Variants in KIF21A observed in about 807,000 individuals in gnomAD.
KIF21A encodes the protein kinesin family member 21A.
Under a neutral mutation model 202.9 loss-of-function variants are expected in KIF21A, and 114 were observed. The observed-to-expected ratio is 0.56, with a 90% CI of 0.48 to 0.66. The LOEUF (loss-of-function observed/expected upper bound fraction) is 0.66. Ranked by LOEUF, KIF21A falls within the 30% of genes least tolerant of loss-of-function variation. The pLI is 0.00. For missense variants in KIF21A, 1,677 were observed against 1,994.9 expected (o/e 0.84, Z 3.04); for synonymous variants, 667 against 670.8 (o/e 0.99, Z 0.09).
chr12:39,391,517 C>T lies in KIF21A; in HGVS notation c.45-21256G>A, dbSNP rs573289904. On this transcript the variant is annotated intron_variant, in intron 1 of 37. Coordinates refer to ENST00000361418, the MANE Select transcript of KIF21A (RefSeq NM_001173464.2). ...CTTTGGGAGGCCAAGATGGAAGAAT[C>T]GCCTCAGCCCAGGAGTTTGAGACCA... 5.9e-5 allele frequency among the ~76,000 whole-genome samples: 9 copies of T among 152,092 alleles called. No individual in the cohort carries two copies. The East Asian group carries it at 1.5e-3, about 26-fold the overall frequency.
chr12:39,367,817 A>G, intron 4 of KIF21A, 66 bp downstream of exon 4: 1 of 1,237,214 alleles, frequency 8.1e-7, no homozygotes, highest in South Asian at 1.3e-5. Context: ...TAAGCAGATT[A>G]TCAGCAAAGC....
intron 26 of KIF21A, among the ~76,000 whole-genome samples, chr12:39,324,988 G>A (rs1314469953): frequency 6.6e-6 from 1 of 152,130 alleles, no homozygotes; most frequent in Non-Finnish European, 1.5e-5. Context: ...AACCTGATAT[G>A]TACCATAGCT....
At chr12:39,432,795 G>C (rs1024982897) in intron 1 of KIF21A, among the ~76,000 whole-genome samples, 9 of 152,046 alleles carry the variant, frequency 5.9e-5, no homozygotes, top group Admixed American at 2.0e-4. Context: ...ATTTTCAGTA[G>C]AGATAGGGTT....
intron 1 of KIF21A, among the ~76,000 whole-genome samples, chr12:39,430,670 TTA>T (rs1377063704): frequency 6.6e-6 from 1 of 152,206 alleles, no homozygotes; most frequent in Non-Finnish European, 1.5e-5. Context: ...TTAGTGGATT[TTA>T]TGTTTTGGTG....
intron 30 of KIF21A, 70 bp downstream of exon 30, chr12:39,315,862 G>T: frequency 8.9e-7 from 1 of 1,119,328 alleles, no homozygotes; most frequent in African/African-American, 1.5e-5. Context: ...GACTTGCTTA[G>T]AATTTCTAGG....
chr12:39,309,576 A>T lies in KIF21A; in HGVS notation c.4277+10T>A. The T allele has an allele frequency of 6.3e-7, 1 of 1,598,758 alleles. No homozygotes were observed. The highest frequency in any genetic ancestry group is 1.7e-4 in the Middle Eastern group (1 of 6,018). On this transcript the variant is annotated intron_variant, in intron 33 of 37. Coordinates refer to ENST00000361418, the MANE Select transcript of KIF21A (RefSeq NM_001173464.2). Reference sequence around the variant, plus strand: ...TCCTCCTTTATGCTATATGTCTTCAAGTTACTTACGTTAGTGTTCGAATGC... The same window carrying T: ...TCCTCCTTTATGCTATATGTCTTCATGTTACTTACGTTAGTGTTCGAATGC...
intron 12 of KIF21A, among the ~76,000 whole-genome samples, chr12:39,342,525 T>TA (rs1416837921): frequency 6.6e-6 from 1 of 152,178 alleles, no homozygotes; most frequent in Non-Finnish European, 1.5e-5. Context: ...TACAAAGATA[T>TA]AAAAAACTAC....
intron 16 of KIF21A, among the ~76,000 whole-genome samples, chr12:39,338,359 CAA>C (rs1424940926): frequency 6.6e-6 from 1 of 152,014 alleles, no homozygotes; most frequent in Non-Finnish European, 1.5e-5. Context: ...TGTGATATTT[CAA>C]AAGAGTCAAA....
chr12:39,401,773 G>C (rs1952188759), intron 1 of KIF21A, among the ~76,000 whole-genome samples: 1 of 152,136 alleles, frequency 6.6e-6, no homozygotes, highest in African/African-American at 2.4e-5. Context: ...TATTTTGCTA[G>C]ACATTTGCCT....
chr12:39,338,209 T>C (rs1039683998), intron 16 of KIF21A, among the ~76,000 whole-genome samples: 1 of 152,140 alleles, frequency 6.6e-6, no homozygotes, highest in African/African-American at 2.4e-5. Context: ...TAGGCTATTG[T>C]GCATGTTTGT....
At chr12:39,334,937 G>T (rs745342822) in intron 17 of KIF21A, among the ~76,000 whole-genome samples, 1 of 152,104 alleles carries the variant, frequency 6.6e-6, no homozygotes, top group Non-Finnish European at 1.5e-5. Flanking sequence ...ACACTGTAAA[G>T]AAATTATTCC....
In KIF21A at chr12:39,340,790, T is replaced by C. The variant is rs1007255362; in HGVS notation, c.2110+116A>G. 3.2e-5 allele frequency: 24 copies of C among 753,870 alleles called. No homozygotes were observed. The Admixed American group carries it at 5.5e-4, about 17-fold the overall frequency. 46.7% of individuals were successfully genotyped at this position (753,870 alleles called of 1,614,324 possible). A position where few individuals can be genotyped will look rare whatever the true frequency, so the allele number is the denominator to read the frequency against. On this transcript the variant is annotated intron_variant, in intron 15 of 37. Coordinates refer to ENST00000361418, the MANE Select transcript of KIF21A (RefSeq NM_001173464.2). ...CTTTGACTTGCAAAAACAAAACAAA[T>C]AAATAACAAAAAAGGGTTTAATACG... is the stretch of plus-strand genomic sequence containing the variant.
At chr12:39,360,367 A>G (rs891535728) in intron 7 of KIF21A, among the ~76,000 whole-genome samples, 13 of 151,606 alleles carry the variant, frequency 8.6e-5, no homozygotes, top group Non-Finnish European at 1.9e-4. Context: ...TGTTAGCAGT[A>G]GTTACTTCTA....
rs56245570 is a variant in KIF21A at position 39,441,660 on chromosome 12, T to TAAAAAAAAAAAAAAAAAAAAAAAAAAA, written c.44+1266_44+1267insTTTTTTTTTTTTTTTTTTTTTTTTTTT. On this transcript the variant is annotated intron_variant, in intron 1 of 37. Transcript: ENST00000361418. ...ATAAAACTGTCACCTCCCTGGGTGG[T>TAAAAAAAAAAAAAAAAAAAAAAAAAAA]AAAAAAAAAAAAAAAAAAAACACTT... Among the ~76,000 whole-genome samples the TAAAAAAAAAAAAAAAAAAAAAAAAAAA allele has an allele frequency of 2.0e-3, 76 of 37,738 alleles. 10 individuals are homozygous for TAAAAAAAAAAAAAAAAAAAAAAAAAAA. The highest frequency in any genetic ancestry group is 2.6e-3 in the Non-Finnish European group (47 of 17,818). The allele number at this position is 37,738 out of a possible 152,430, so 24.8% of individuals were successfully genotyped here. A position where few individuals can be genotyped will look rare whatever the true frequency, so the allele number is the denominator to read the frequency against.
chr12:39,305,696 G>C (rs1033123275), intron 34 of KIF21A, among the ~76,000 whole-genome samples: 1 of 152,142 alleles, frequency 6.6e-6, no homozygotes, highest in African/African-American at 2.4e-5. Flanking sequence ...TGCAAAAAAT[G>C]ATTAATTTTA....
intron 15 of KIF21A, 25 bp from the exon 16 acceptor site, chr12:39,340,389 T>A (rs1565859201): frequency 6.5e-7 from 1 of 1,547,748 alleles, no homozygotes. Context: ...GACATTTTTA[T>A]ATGTTTTTTT....
chr12:39,415,095 ATCTT>A lies in KIF21A; in HGVS notation c.44+27828_44+27831del, dbSNP rs1307183665. Among the ~76,000 whole-genome samples, 3 of 151,986 alleles carry A rather than the reference ATCTT, an allele frequency of 2.0e-5. No homozygotes were observed. In the East Asian group the frequency reaches 5.8e-4, roughly 29 times the overall value. On this transcript the variant is annotated intron_variant, in intron 1 of 37. Coordinates refer to ENST00000361418, the MANE Select transcript of KIF21A (RefSeq NM_001173464.2). ...TAAACGCACCTGAGAAACATTGAAA[ATCTT>A]TCTTAGGAAGGCTGTTCAACAGAAC... is the stretch of plus-strand genomic sequence containing the variant.
intron 11 of KIF21A, 105 bp downstream of exon 11, chr12:39,351,672 A>C: frequency 1.5e-6 from 1 of 685,870 alleles, no homozygotes; most frequent in Non-Finnish European, 2.5e-6. Context: ...GATTTATTTC[A>C]TATACTAAGG....
At chr12:39,310,989 G>A (rs1181987754) in intron 32 of KIF21A, among the ~76,000 whole-genome samples, 2 of 152,058 alleles carry the variant, frequency 1.3e-5, no homozygotes, top group Non-Finnish European at 2.9e-5. Context: ...GTATCTCATT[G>A]AGATTGTTGT....
Sources: allele counts gnomAD v4.1 joint callset (sites outside exome capture counted in the v4.1 genomes callset), GRCh38; gene constraint gnomAD v4.1.1; transcripts MANE v1.5; gene names NCBI Gene and HGNC (gene_info 2026-07-23, HGNC 2026-07-21).